Variants in MAGI2 observed in about 807,000 individuals in gnomAD.
MAGI2 encodes the protein membrane associated guanylate kinase, WW and PDZ domain containing 2.
A neutral mutation model predicts 133.3 loss-of-function variants in MAGI2; 35 were observed. The ratio of observed to expected loss-of-function variants is 0.26; its 90% CI spans 0.20 to 0.35. The LOEUF is 0.35. MAGI2 is among the 10% of genes least tolerant of loss of function. The probability of loss-of-function intolerance (pLI) is 1.00; values close to 1 mark genes in which losing one functional copy is unlikely to be tolerated. For synonymous variants in MAGI2, 729 were observed against 710.6 expected, an observed-to-expected ratio of 1.03 and a Z score of -0.41; for missense variants, 1,636 against 1,863.4, an observed-to-expected ratio of 0.88 and a Z score of 2.25.
intron 1 of MAGI2, among the ~76,000 whole-genome samples, chr7:79,355,343 AC>A (rs1416979810): frequency 6.8e-6 from 1 of 147,566 alleles, no homozygotes; most frequent in Non-Finnish European, 1.5e-5. Flanking sequence ...AAATAAACAA[AC>A]AAAAAAACAA....
chr7:78,888,115 C>T (rs763309042), intron 2 of MAGI2, among the ~76,000 whole-genome samples: 8 of 152,228 alleles, frequency 5.3e-5, no homozygotes, highest in Non-Finnish European at 1.0e-4. Context: ...TCTACACCCA[C>T]AGAACCTCGC....
intron 9 of MAGI2, among the ~76,000 whole-genome samples, chr7:78,315,501 G>T (rs948560277): frequency 6.6e-6 from 1 of 152,120 alleles, no homozygotes; most frequent in Admixed American, 6.5e-5. Flanking sequence ...CGGATCAGGG[G>T]TATTATTACT....
At chr7:79,219,435 T>G (rs1298033775) in intron 1 of MAGI2, among the ~76,000 whole-genome samples, 1 of 152,068 alleles carries the variant, frequency 6.6e-6, no homozygotes, top group Non-Finnish European at 1.5e-5. Flanking sequence ...TATTTGGCAT[T>G]TAGCTTTCCT....
chr7:78,629,964 A>C (rs965002195), intron 2 of MAGI2, among the ~76,000 whole-genome samples: 11 of 151,988 alleles, frequency 7.2e-5, no homozygotes, highest in African/African-American at 2.6e-4. Flanking sequence ...TTATATTTTA[A>C]ATCAAATAAT....
intron 1 of MAGI2, among the ~76,000 whole-genome samples, chr7:79,251,339 T>C (rs1833252027): frequency 6.6e-6 from 1 of 152,094 alleles, no homozygotes; most frequent in African/African-American, 2.4e-5. Flanking sequence ...ACTATCCATC[T>C]GACAAGAGAT....
intron 1 of MAGI2, among the ~76,000 whole-genome samples, chr7:79,209,567 A>G (rs1829330072): frequency 6.6e-6 from 1 of 151,988 alleles, no homozygotes; most frequent in Non-Finnish European, 1.5e-5. Context: ...ACAGAGTTCT[A>G]CTTTTAAGTT....
At chr7:78,933,677 T>G (rs1800304086) in intron 2 of MAGI2, among the ~76,000 whole-genome samples, 1 of 152,090 alleles carries the variant, frequency 6.6e-6, no homozygotes, top group African/African-American at 2.4e-5. Context: ...AAGATGACAT[T>G]ATTAACACTG....
intron 2 of MAGI2, among the ~76,000 whole-genome samples, chr7:78,891,702 T>C (rs1396554582): frequency 6.6e-6 from 1 of 152,204 alleles, no homozygotes; most frequent in Non-Finnish European, 1.5e-5. Flanking sequence ...AATCTCTCAA[T>C]AAATTAGGTA....
At chr7:78,605,037 T>C (rs1248533705) in intron 3 of MAGI2, among the ~76,000 whole-genome samples, 5 of 152,194 alleles carry the variant, frequency 3.3e-5, no homozygotes, top group African/African-American at 1.2e-4. Flanking sequence ...CCATGGACTT[T>C]GTATGCATGT....
chr7:78,714,789 C>T (rs1325716146), intron 2 of MAGI2, among the ~76,000 whole-genome samples: 1 of 152,166 alleles, frequency 6.6e-6, no homozygotes, highest in Non-Finnish European at 1.5e-5. Context: ...CCAAACACAG[C>T]TTTGAATTTT....
At chr7:78,844,331 T>C (rs1389364799) in intron 2 of MAGI2, among the ~76,000 whole-genome samples, 1 of 151,834 alleles carries the variant, frequency 6.6e-6, no homozygotes, top group Non-Finnish European at 1.5e-5. Context: ...TAAAAACATA[T>C]GTCCACACTA....
intron 1 of MAGI2, among the ~76,000 whole-genome samples, chr7:79,180,654 C>T (rs1826533052): frequency 1.3e-5 from 2 of 151,900 alleles, no homozygotes; most frequent in African/African-American, 4.8e-5. Context: ...ATCTCATGTC[C>T]TCACATTTCA....
At chr7:79,072,894 A>G (rs1401094159) in intron 1 of MAGI2, among the ~76,000 whole-genome samples, 1 of 152,216 alleles carries the variant, frequency 6.6e-6, no homozygotes, top group Non-Finnish European at 1.5e-5. Flanking sequence ...GAGGCTGACT[A>G]AAGGCTAGGT....
intron 1 of MAGI2, among the ~76,000 whole-genome samples, chr7:79,163,502 AG>A (rs1241714526): frequency 6.6e-6 from 1 of 152,092 alleles, no homozygotes; most frequent in Non-Finnish European, 1.5e-5. Context: ...ACTGAGGATC[AG>A]GTGTTTCTTG....
chr7:78,096,382 G>T (rs1817691890), intron 20 of MAGI2, among the ~76,000 whole-genome samples: 2 of 152,292 alleles, frequency 1.3e-5, no homozygotes, highest in East Asian at 3.9e-4. Flanking sequence ...TTGTTGAGAA[G>T]ATCATAGGGC....
intron 8 of MAGI2, among the ~76,000 whole-genome samples, chr7:78,344,467 C>T (rs1464233558): frequency 1.3e-5 from 2 of 151,834 alleles, no homozygotes; most frequent in African/African-American, 4.8e-5. Context: ...AATAAGAGCA[C>T]AATATTTCAG....
intron 13 of MAGI2, among the ~76,000 whole-genome samples, chr7:78,178,702 AG>A (rs1178363184): frequency 2.0e-5 from 3 of 152,192 alleles, no homozygotes; most frequent in Admixed American, 1.3e-4. Context: ...TTGAGGTTCA[AG>A]AAGCATTTAT....
intron 9 of MAGI2, among the ~76,000 whole-genome samples, chr7:78,315,518 C>T (rs1562807844): frequency 6.6e-6 from 1 of 152,178 alleles, no homozygotes. Context: ...TACTAGTCCA[C>T]TGAGCCCAAC....
chr7:78,328,650 A>T (rs1366964565), intron 9 of MAGI2, among the ~76,000 whole-genome samples: 1 of 152,186 alleles, frequency 6.6e-6, no homozygotes, highest in South Asian at 2.1e-4. Context: ...AAAAATGCCA[A>T]TGTTGCTACA....
Sources: allele counts gnomAD v4.1 joint callset (sites outside exome capture counted in the v4.1 genomes callset), GRCh38; gene constraint gnomAD v4.1.1; transcripts MANE v1.5; gene names NCBI Gene and HGNC (gene_info 2026-07-23, HGNC 2026-07-21).